Variants in CNKSR3 observed in about 807,000 individuals in gnomAD.
CNKSR3 encodes the protein connector enhancer of kinase suppressor of ras 3.
Under a neutral mutation model 67.7 loss-of-function variants are expected in CNKSR3, and 36 were observed. The ratio of observed to expected loss-of-function variants is 0.53; its 90% CI spans 0.41 to 0.70. CNKSR3 has a LOEUF of 0.70. Among genes scored for constraint, CNKSR3 ranks in the 30% least tolerant of loss-of-function variants. The pLI, the probability that CNKSR3 is intolerant of heterozygous loss-of-function variation, is 0.00. For synonymous variants in CNKSR3, 281 were observed against 271.4 expected (o/e 1.04, Z -0.35); for missense variants, 630 against 695.2 (o/e 0.91, Z 1.05).
rs1258387665 is a variant in CNKSR3, at chr6:154,391,495, A to T, written c.*14859T>A. The stretch of plus-strand genomic sequence containing the variant: ...TGATCCGCCTGCCTCGGCCTCCCAA[A>T]GTGCTGGGATTACAGGCGTGAGCAA... On this transcript the variant is annotated 3_prime_UTR_variant, in exon 13 of 13. Transcript: ENST00000607772. The T allele has an allele frequency of 6.6e-6, 1 of 152,344 alleles. No homozygotes were observed. Among genetic ancestry groups the T allele is most frequent in the Admixed American group, 6.5e-5 (1 of 15,286 alleles). 9.4% of individuals were successfully genotyped at this position (152,344 alleles called of 1,614,324 possible).
intron 2 of CNKSR3, among the ~76,000 whole-genome samples, chr6:154,449,256 G>A (rs572368809): frequency 5.3e-5 from 8 of 152,090 alleles, no homozygotes; most frequent in East Asian, 3.8e-4. Context: ...AAACTCAACC[G>A]CTTTTTATAG....
rs556041139 is a variant in CNKSR3 at position 154,478,097 on chromosome 6, A to T, written c.53-27839T>A. ...GCTGCAGAATGGCACTTATCCAAGA[A>T]GTCCTCTCAAGAAAGGTGAGTACAG... On this transcript the variant is annotated intron_variant, in intron 1 of 12. Coordinates refer to ENST00000607772, the MANE Select transcript of CNKSR3 (RefSeq NM_173515.4). Among the ~76,000 whole-genome samples, 359 of 152,310 alleles carry T rather than the reference A, an allele frequency of 2.4e-3. 3 individuals carry two copies. In the South Asian group the frequency reaches 0.033, roughly 14 times the overall value.
chr6:154,460,392 G>A (rs1038063855), intron 1 of CNKSR3, among the ~76,000 whole-genome samples: 1 of 152,166 alleles, frequency 6.6e-6, no homozygotes, highest in Admixed American at 6.5e-5. Flanking sequence ...GTGTGTGTGC[G>A]TGCATGTGTG....
chr6:154,488,567 T>C (rs1786723611), intron 1 of CNKSR3, among the ~76,000 whole-genome samples: 2 of 152,182 alleles, frequency 1.3e-5, no homozygotes, highest in Non-Finnish European at 2.9e-5. Context: ...AGGAAATATT[T>C]TTTCAATATT....
intron 1 of CNKSR3, 121 bp from the exon 2 acceptor site, chr6:154,450,379 T>C (rs1415113952): frequency 2.9e-6 from 3 of 1,026,302 alleles, no homozygotes; most frequent in Admixed American, 4.6e-5. Flanking sequence ...TATCTGGTTA[T>C]CTATGTGAGG....
At chr6:154,476,124 A>G (rs550979261) in intron 1 of CNKSR3, among the ~76,000 whole-genome samples, 9 of 152,256 alleles carry the variant, frequency 5.9e-5, no homozygotes, top group African/African-American at 2.2e-4. Context: ...GATAAAACCT[A>G]TGCCATCAAG....
rs1485910734 is a variant in CNKSR3 at position 154,510,263 on chromosome 6, A to G, written c.-149T>C. ...CAAGACTGCATGGCCGCGGTCAGCCAGTCGTCCCAGCGCGGCTCCGCCAGG... is the reference window on the plus strand; with the variant it reads ...CAAGACTGCATGGCCGCGGTCAGCCGGTCGTCCCAGCGCGGCTCCGCCAGG... On this transcript the variant is annotated 5_prime_UTR_variant, in exon 1 of 13. Transcript: ENST00000607772. 5 of 813,308 alleles carry G rather than the reference A, an allele frequency of 6.1e-6. No individual in the cohort carries two copies. Among genetic ancestry groups the G allele is most frequent in the Non-Finnish European group, 9.9e-6 (5 of 507,556 alleles). 50.4% of individuals were successfully genotyped at this position (813,308 alleles called of 1,614,324 possible). A position where few individuals can be genotyped will look rare whatever the true frequency, so the allele number is the denominator to read the frequency against.
intron 1 of CNKSR3, among the ~76,000 whole-genome samples, chr6:154,506,742 T>C (rs748069282): frequency 2.0e-5 from 3 of 152,246 alleles, no homozygotes; most frequent in Non-Finnish European, 4.4e-5. Flanking sequence ...TAAAAGATCA[T>C]TTGCTTTGCA....
chr6:154,491,218 T>C (rs760726618), intron 1 of CNKSR3, among the ~76,000 whole-genome samples: 2 of 152,180 alleles, frequency 1.3e-5, no homozygotes, highest in Non-Finnish European at 2.9e-5. Flanking sequence ...CTGCATGAGA[T>C]ACTCCTCCCT....
At chr6:154,433,700 G>A (rs537491094) in intron 4 of CNKSR3, 193 bp from the exon 5 acceptor site, 141 of 549,062 alleles carry the variant, frequency 2.6e-4, no homozygotes, top group African/African-American at 2.0e-3. Flanking sequence ...TGCACCTTCC[G>A]AAGGTCCTGC....
chr6:154,411,065 G>C lies in CNKSR3; in HGVS notation c.1148C>G (p.Ser383Cys), dbSNP rs996481150. 6.2e-7 allele frequency: 1 copy of C among 1,613,950 alleles called. No individual in the cohort carries two copies. Among genetic ancestry groups the C allele is most frequent in the Non-Finnish European group, 8.5e-7 (1 of 1,179,972 alleles). The stretch of plus-strand genomic sequence containing the variant: ...TTCCTGGTCCAAGAAGGAATTCGGG[G>C]ACTCTGAACCCTTAGGACCAGGCAA... ...QPLPGPKGSESPNSFLDQESR... is the reference protein window; with the variant it reads ...QPLPGPKGSECPNSFLDQESR... The change falls in exon 11 of 13, where the codon TCC (serine) becomes TGC (cysteine). Residue 383 changes from serine (S) to cysteine (C), a missense_variant. By Grantham distance (112) the Ser-to-Cys change is moderately radical (BLOSUM62 -1). This residue lies in a region of CNKSR3 where 308 missense variants were observed against 299.6 expected (regional missense o/e 1.03). Transcript: ENST00000607772.
chr6:154,492,502 C>T (rs1786800028), intron 1 of CNKSR3, among the ~76,000 whole-genome samples: 1 of 152,130 alleles, frequency 6.6e-6, no homozygotes, highest in South Asian at 2.1e-4. Flanking sequence ...CAGCACTTTG[C>T]AAGGCTGAGA....
chr6:154,500,647 A>G (rs1786977937), intron 1 of CNKSR3, among the ~76,000 whole-genome samples: 1 of 152,226 alleles, frequency 6.6e-6, no homozygotes, highest in East Asian at 1.9e-4. Flanking sequence ...AATGCCATCT[A>G]TTCCACCAAA....
intron 7 of CNKSR3, among the ~76,000 whole-genome samples, chr6:154,423,548 G>A (rs1051958774): frequency 2.0e-5 from 3 of 152,114 alleles, no homozygotes; most frequent in Non-Finnish European, 2.9e-5. Context: ...ATGAGCCACC[G>A]CGCCCAGTCT....
chr6:154,414,625 G>A (rs1158218174), intron 9 of CNKSR3: 5 of 652,356 alleles, frequency 7.7e-6, no homozygotes, highest in East Asian at 6.7e-5. Flanking sequence ...TTTGAATGAC[G>A]ATGTATAGTG....
At chr6:154,472,503 C>T (rs6557359) in intron 1 of CNKSR3, among the ~76,000 whole-genome samples, 31,764 of 151,934 alleles carry the variant, frequency 0.21, 4,245 homozygotes, top group African/African-American at 0.38. Context: ...CTAAATCCCC[C>T]TTATTTCGTA....
Position 154,433,453 on chromosome 6 carries a change from A to C in CNKSR3, c.549+13T>G. 3 of 1,552,572 alleles carry C rather than the reference A, an allele frequency of 1.9e-6. No individual in the cohort carries two copies. Among genetic ancestry groups the C allele is most frequent in the Non-Finnish European group, 2.6e-6 (3 of 1,132,248 alleles). Reference sequence around the variant, plus strand: ...AAATGAATTTTACAATAACTTTTAGAATGTATACTTACCACAGTTAAAACT... The same window carrying C: ...AAATGAATTTTACAATAACTTTTAGCATGTATACTTACCACAGTTAAAACT... On this transcript the variant is annotated intron_variant, in intron 5 of 12. Transcript: ENST00000607772.
chr6:154,459,395 T>C (rs1393489927), intron 1 of CNKSR3, among the ~76,000 whole-genome samples: 2 of 152,006 alleles, frequency 1.3e-5, no homozygotes, highest in African/African-American at 4.8e-5. Flanking sequence ...GAATGACTGA[T>C]TTTGAGGATA....
intron 1 of CNKSR3, among the ~76,000 whole-genome samples, chr6:154,500,256 A>AACAGACACACAC (rs138587387): frequency 2.7e-5 from 4 of 147,214 alleles, no homozygotes; most frequent in Admixed American, 1.4e-4. Flanking sequence ...TAAAATTAGA[A>AACAGACACACAC]ACACACACAC....
Sources: allele counts gnomAD v4.1 joint callset (sites outside exome capture counted in the v4.1 genomes callset), GRCh38; gene constraint gnomAD v4.1.1; regional missense constraint gnomAD v4.1.1; transcripts MANE v1.5; gene names NCBI Gene and HGNC (gene_info 2026-07-23, HGNC 2026-07-21).